The following EYA2 variants were observed in gnomAD, a reference collection of about 807,000 sequenced individuals.
EYA2 encodes EYA transcriptional coactivator and phosphatase 2.
In EYA2, 31 loss-of-function variants were observed where a neutral mutation model predicts 69.2. The ratio of observed to expected loss-of-function variants is 0.45; its 90% CI spans 0.34 to 0.60. The LOEUF is 0.60. EYA2 is among the 20% of genes least tolerant of loss of function. The pLI, the probability that EYA2 is intolerant of heterozygous loss-of-function variation, is 0.02. For synonymous variants in EYA2, 257 were observed against 279.4 expected (o/e 0.92, Z 0.80); for missense variants, 622 against 701.2 (o/e 0.89, Z 1.28).
At chr20:47,176,350 GAT>G (rs897746180) in intron 12 of EYA2, among the ~76,000 whole-genome samples, 1 of 152,032 alleles carries the variant, frequency 6.6e-6, no homozygotes, top group Non-Finnish European at 1.5e-5. Flanking sequence ...AAAGTACTGG[GAT>G]TACAGGTATG....
At chr20:47,165,080 G>A (rs1215921350) in intron 10 of EYA2, among the ~76,000 whole-genome samples, 1 of 152,192 alleles carries the variant, frequency 6.6e-6, no homozygotes, top group Non-Finnish European at 1.5e-5. Context: ...AGCACTTGAA[G>A]TAGGACTAAA....
intron 5 of EYA2, among the ~76,000 whole-genome samples, chr20:47,046,720 G>A (rs1264619087): frequency 1.3e-5 from 2 of 152,290 alleles, no homozygotes; most frequent in African/African-American, 4.8e-5. Flanking sequence ...ACCACGAAGG[G>A]TCCAAACTAG....
intron 1 of EYA2, among the ~76,000 whole-genome samples, chr20:46,944,780 A>C (rs557323376): frequency 6.6e-6 from 1 of 152,288 alleles, no homozygotes; most frequent in South Asian, 2.1e-4. Context: ...AAGATGCTAC[A>C]TTTATTTTTT....
At chr20:47,025,623 G>A (rs1271665591) in intron 5 of EYA2, among the ~76,000 whole-genome samples, 1 of 152,162 alleles carries the variant, frequency 6.6e-6, no homozygotes, top group Non-Finnish European at 1.5e-5. Flanking sequence ...CTCCGAAATG[G>A]TCATGAAAAC....
chr20:47,118,390 A>G (rs2032961915), intron 9 of EYA2, among the ~76,000 whole-genome samples: 1 of 151,912 alleles, frequency 6.6e-6, no homozygotes, highest in African/African-American at 2.4e-5. Context: ...ACTCTGTCCC[A>G]TCCTGTAAGG....
intron 9 of EYA2, among the ~76,000 whole-genome samples, chr20:47,122,499 C>T (rs1600724674): frequency 6.6e-6 from 1 of 151,812 alleles, no homozygotes; most frequent in Non-Finnish European, 1.5e-5. Context: ...GGGGTTTCAC[C>T]GTGTTAGCCA....
At chr20:47,063,455 A>AGGGTCTG (rs2030985576) in intron 5 of EYA2, among the ~76,000 whole-genome samples, 2 of 149,176 alleles carry the variant, frequency 1.3e-5, no homozygotes, top group Non-Finnish European at 3.0e-5. Flanking sequence ...GCAGGAGAAT[A>AGGGTCTG]GGGTCTGGAG....
intron 7 of EYA2, among the ~76,000 whole-genome samples, chr20:47,082,898 A>G (rs1378969075): frequency 1.3e-5 from 2 of 151,978 alleles, no homozygotes; most frequent in African/African-American, 2.4e-5. Context: ...AACAGAATTG[A>G]GAGTTCAGAA....
intron 10 of EYA2, among the ~76,000 whole-genome samples, chr20:47,147,923 G>T (rs150589744): frequency 6.6e-6 from 1 of 152,052 alleles, no homozygotes. Context: ...GCCAGGTGTG[G>T]TAGCAGGCGC....
At chr20:47,091,883 A>T (rs1388252742) in intron 8 of EYA2, among the ~76,000 whole-genome samples, 2 of 152,240 alleles carry the variant, frequency 1.3e-5, no homozygotes, top group East Asian at 3.8e-4. Flanking sequence ...CAGAAAGCAA[A>T]CATTTTAGAG....
intron 15 of EYA2, among the ~76,000 whole-genome samples, chr20:47,187,822 G>C (rs2034676604): frequency 6.6e-6 from 1 of 152,254 alleles, no homozygotes; most frequent in Non-Finnish European, 1.5e-5. Context: ...GAACACGCTG[G>C]GCAGTGCTGG....
intron 1 of EYA2, among the ~76,000 whole-genome samples, chr20:46,953,979 GTTC>G (rs1435711301): frequency 1.3e-5 from 2 of 152,068 alleles, no homozygotes; most frequent in African/African-American, 4.8e-5. Flanking sequence ...TCTTGGACAT[GTTC>G]TTCTCTCCCT....
chr20:47,097,116 T>C lies in EYA2; in HGVS notation c.836T>C (p.Ile279Thr). 6.2e-7 allele frequency: 1 copy of C among 1,611,614 alleles called. No homozygotes were observed. Among genetic ancestry groups the C allele is most frequent in the Non-Finnish European group, 8.5e-7 (1 of 1,179,186 alleles). The change falls in exon 9 of 16, where the codon ATA becomes ACA. Residue 279 changes from isoleucine to threonine, a missense_variant. By Grantham distance (89) the Ile-to-Thr change is moderately conservative. Transcript: ENST00000327619. ...TTCGTGTGGGACTTGGATGAGACAA[T>C]AATTATTTTTCACTCCTTACTCACG... ...RVFVWDLDET[I>T]IIFHSLLTGT...
rs74178703 is a variant in EYA2, at chr20:47,130,261, CT to C, written c.889-12777del. ...AAAGAAATAAAAGAAGGTTTATTTT[CT>C]TTTTTTTTTTTTTTTTTTTTGAGAC... On this transcript the variant is annotated intron_variant, in intron 9 of 15. Transcript: ENST00000327619. Among the ~76,000 whole-genome samples, 589 of 81,242 alleles carry C rather than the reference CT, an allele frequency of 7.2e-3. 4 individuals are homozygous for C. The highest frequency in any genetic ancestry group is 0.011 in the Non-Finnish European group (484 of 45,976). The allele number at this position is 81,242 out of a possible 152,430, so 53.3% of individuals were successfully genotyped here.
At chr20:47,034,039 A>G (rs1470303600) in intron 5 of EYA2, among the ~76,000 whole-genome samples, 1 of 152,196 alleles carries the variant, frequency 6.6e-6, no homozygotes. Context: ...TAAAGGGAGG[A>G]AGGAAGTCTC....
chr20:47,039,992 C>T (rs943458649), intron 5 of EYA2, among the ~76,000 whole-genome samples: 3 of 151,934 alleles, frequency 2.0e-5, no homozygotes, highest in Admixed American at 2.0e-4. Flanking sequence ...AGGCGCCCGC[C>T]ACCACACCCA....
chr20:47,133,482 C>T (rs2033390658), intron 9 of EYA2, among the ~76,000 whole-genome samples: 1 of 152,196 alleles, frequency 6.6e-6, no homozygotes. Context: ...CAATAGCATG[C>T]TGCCTCCTTT....
intron 7 of EYA2, among the ~76,000 whole-genome samples, chr20:47,081,077 C>T (rs994187781): frequency 2.6e-5 from 4 of 152,070 alleles, no homozygotes; most frequent in Admixed American, 6.6e-5. Context: ...TCCTTGTCTT[C>T]GGCCATGATT....
intron 1 of EYA2, among the ~76,000 whole-genome samples, chr20:46,900,894 C>T (rs532297069): frequency 1.3e-5 from 2 of 152,130 alleles, no homozygotes; most frequent in African/African-American, 4.8e-5. Context: ...GCTGCTATTA[C>T]GAGAAGAGAA....
Sources: gnomAD v4.1 joint callset for allele counts (sites outside exome capture counted in the v4.1 genomes callset) on GRCh38, gnomAD v4.1.1 for gene constraint, MANE v1.5 for transcripts, NCBI Gene and HGNC (gene_info 2026-07-23, HGNC 2026-07-21) for gene names.